MOV10L1: variants seen among roughly 807,000 people sequenced by gnomAD.
MOV10L1 encodes the protein RNA helicase Mov10l1.
In MOV10L1, 110 loss-of-function variants were observed where a neutral mutation model predicts 143.8. That is an observed-to-expected ratio of 0.76 (90% CI 0.66 to 0.90). MOV10L1 has a LOEUF of 0.90. Among genes scored for constraint, MOV10L1 ranks in the 40% least tolerant of loss-of-function variants. The pLI is 0.00. For missense variants in MOV10L1, 1,406 were observed against 1,526.8 expected, an observed-to-expected ratio of 0.92 and a Z score of 1.32; for synonymous variants, 593 against 581.1, an observed-to-expected ratio of 1.02 and a Z score of -0.29.
chr22:50,115,736 C>T (rs569364889), intron 8 of MOV10L1, among the ~76,000 whole-genome samples: 39 of 152,340 alleles, frequency 2.6e-4, no homozygotes, highest in Non-Finnish European at 4.3e-4. Context: ...GTCTCTGAGG[C>T]TCTCTGAGGC....
chr22:50,117,678 C>T (rs2062219270), intron 9 of MOV10L1, among the ~76,000 whole-genome samples: 1 of 152,234 alleles, frequency 6.6e-6, no homozygotes, highest in Non-Finnish European at 1.5e-5. Context: ...CCTGCCACCT[C>T]TCCCGTCCTG....
In MOV10L1 at chr22:50,121,597, GGAGGTTGCCAT is replaced by G. The variant is rs2062347001; in HGVS notation, c.1569+985_1569+995del. On this transcript the variant is annotated intron_variant, in intron 10 of 26. Transcript: ENST00000262794. The stretch of plus-strand genomic sequence containing the variant: ...TGTTTTACTCACAGATCCTGGGCAG[GGAGGTTGCCAT>G]GAGTCGCGAGCGCAGTCCTCTGTCC... Among the ~76,000 whole-genome samples, 4 of 152,316 alleles carry G rather than the reference GGAGGTTGCCAT, an allele frequency of 2.6e-5. No homozygotes were observed. The South Asian group carries it at 8.3e-4, about 32-fold the overall frequency.
At chr22:50,153,753 A>G (rs1244803970) in intron 22 of MOV10L1, among the ~76,000 whole-genome samples, 3 of 152,246 alleles carry the variant, frequency 2.0e-5, no homozygotes, top group East Asian at 1.9e-4. Flanking sequence ...TGAGTGACCA[A>G]GCAAAATTAC....
intron 12 of MOV10L1, 150 bp from the exon 13 acceptor site, chr22:50,128,266 G>T: frequency 1.7e-6 from 1 of 576,546 alleles, no homozygotes. Flanking sequence ...TTGTATAATC[G>T]AATGGCGTAA....
chr22:50,137,080 A>T (rs1439039321), intron 15 of MOV10L1, among the ~76,000 whole-genome samples: 1 of 152,224 alleles, frequency 6.6e-6, no homozygotes, highest in Non-Finnish European at 1.5e-5. Context: ...AAGAATATTT[A>T]TAGGAATATA....
chr22:50,149,267 T>G, intron 19 of MOV10L1: 2 of 245,184 alleles, frequency 8.2e-6, no homozygotes, highest in South Asian at 5.8e-5. Context: ...ATGACAGGAG[T>G]GAGACGCAGG....
In MOV10L1 at chr22:50,134,035, C is replaced by CT. The variant is rs1362074820; in HGVS notation, c.1941dup (p.Glu648Ter). ...CACAAGCAGACGGTGTCACTTTGCA[C>CT]TTGAACACGTCATCCACTTAGGTGT... On this transcript the variant is annotated frameshift_variant, in exon 14 of 27. Coordinates refer to ENST00000262794, the MANE Select transcript of MOV10L1 (RefSeq NM_018995.3). LOFTEE classifies it high-confidence loss of function. The CT allele has an allele frequency of 6.2e-7, 1 of 1,612,180 alleles. No individual in the cohort carries two copies. The highest frequency in any genetic ancestry group is 8.5e-7 in the Non-Finnish European group (1 of 1,179,640).
chr22:50,111,517 A>T (rs2062021254), intron 5 of MOV10L1, among the ~76,000 whole-genome samples: 1 of 86,242 alleles, frequency 1.2e-5, no homozygotes, highest in African/African-American at 4.8e-5. Context: ...TTTTTTTGAG[A>T]CGTTGAGATG....
At chr22:50,090,579 G>T (rs997383029) in intron 1 of MOV10L1, 7 of 1,537,194 alleles carry the variant, frequency 4.6e-6, no homozygotes, top group Non-Finnish European at 6.2e-6. Context: ...AACGCGCTGC[G>T]CCAAGGCGTG....
Position 50,090,116 on chromosome 22 carries a change from G to T in MOV10L1, c.28G>T (p.Ala10Ser), listed in dbSNP as rs1489982581. Residue 10 changes from alanine to serine, a missense_variant, in exon 1 of 27, where the codon GCC becomes TCC. Coordinates refer to ENST00000262794, the MANE Select transcript of MOV10L1 (RefSeq NM_018995.3). ...GCTGAGCCTCGCAGCCAAGCTGGTG[G>T]CCTTCTTCTGGAGGACGGCGGACAC... is the stretch of plus-strand genomic sequence containing the variant. MLSLAAKLV[A>S]FFWRTADTPR... 1 of 1,368,396 alleles carries T rather than the reference G, an allele frequency of 7.3e-7. No individual in the cohort carries two copies. The highest frequency in any genetic ancestry group is 3.8e-5 in the Admixed American group (1 of 26,552). The allele number at this position is 1,368,396 out of a possible 1,614,324, so 84.8% of individuals were successfully genotyped here. A position where few individuals can be genotyped will look rare whatever the true frequency, so the allele number is the denominator to read the frequency against.
chr22:50,105,089 A>G (rs1165491036), intron 3 of MOV10L1, among the ~76,000 whole-genome samples: 1 of 152,096 alleles, frequency 6.6e-6, no homozygotes, highest in Non-Finnish European at 1.5e-5. Context: ...ACAGGGTTTC[A>G]CCGCATTGCC....
intron 5 of MOV10L1, among the ~76,000 whole-genome samples, chr22:50,111,802 C>T (rs1021036836): frequency 6.6e-6 from 1 of 152,148 alleles, no homozygotes; most frequent in Non-Finnish European, 1.5e-5. Context: ...CACGCCCGGC[C>T]CCGAGTCTTT....
Position 50,150,864 on chromosome 22 carries a change from G to A in MOV10L1, c.2857G>A (p.Ala953Thr). The A allele has an allele frequency of 1.2e-6, 2 of 1,614,216 alleles. No homozygotes were observed. Among genetic ancestry groups the A allele is most frequent in the Non-Finnish European group, 1.7e-6 (2 of 1,180,026 alleles). ...SRPAYQRDEN[A>T]FGACGAHNPL... is the part of the protein sequence containing the mutation. ...ACCCGCGTACCAGAGGGACGAAAAT[G>A]CTTTCGGTGCTTGTGGCGCACATAA... The change falls in exon 21 of 27, where the codon GCT becomes ACT. Residue 953 changes from alanine to threonine, a missense_variant. Around this residue, in one of 3 missense-constraint regions of MOV10L1, gnomAD observed 1,233 missense variants for 1,351.4 expected, o/e 0.91. Coordinates refer to ENST00000262794, the MANE Select transcript of MOV10L1 (RefSeq NM_018995.3).
At chr22:50,106,692 AC>A (rs2061875787) in intron 3 of MOV10L1, among the ~76,000 whole-genome samples, 1 of 147,684 alleles carries the variant, frequency 6.8e-6, no homozygotes, top group African/African-American at 2.5e-5. Flanking sequence ...TGGTTTTAGG[AC>A]ATGGTCTTTT....
chr22:50,115,532 C>T (rs563020621), intron 8 of MOV10L1, among the ~76,000 whole-genome samples: 1 of 152,216 alleles, frequency 6.6e-6, no homozygotes, highest in East Asian at 1.9e-4. Flanking sequence ...CAGCCTGAGA[C>T]GGAGCAAGAC....
At position 50,134,143 on chromosome 22, in the gene MOV10L1, T is replaced by C. The variant is rs1006637109; in HGVS notation, c.1969+78T>C. ...GCTTCATGTAAAATTTTGTGTAAAA[T>C]AGTCTCTTCAGTCATAATATTAGAA... On this transcript the variant is annotated intron_variant, in intron 14 of 26. Coordinates refer to ENST00000262794, the MANE Select transcript of MOV10L1 (RefSeq NM_018995.3). 5 of 1,167,640 alleles carry C rather than the reference T, an allele frequency of 4.3e-6. No individual in the cohort carries two copies. In the African/African-American group the frequency reaches 4.7e-5, roughly 11 times the overall value. 72.3% of individuals were successfully genotyped at this position (1,167,640 alleles called of 1,614,324 possible). A position where few individuals can be genotyped will look rare whatever the true frequency, so the allele number is the denominator to read the frequency against.
At position 50,145,766 on chromosome 22, in the gene MOV10L1, C is replaced by T. The variant is rs140470940; in HGVS notation, c.2583C>T (p.Ile861=). The T allele has an allele frequency of 5.0e-6, 8 of 1,614,164 alleles. No homozygotes were observed. The African/African-American group carries it at 1.1e-4, about 22-fold the overall frequency. ...IWKASRFRII[I]TTCSSSGLFY... ...AAGCCTCACGCTTCCGGATAATCAT[C>T]ACCACATGCAGCAGCTCAGGGCTGT... is the stretch of plus-strand genomic sequence containing the variant. Residue 861 remains isoleucine (I), a synonymous_variant, in exon 19 of 27, where the codon ATC becomes ATT. Coordinates refer to ENST00000262794, the MANE Select transcript of MOV10L1 (RefSeq NM_018995.3).
rs1386071572 is a variant in MOV10L1, at chr22:50,159,645, T to G, written c.3217-33T>G. ...GAAAAGAAATGGATTTGTACAGTGT[T>G]ATCTTTAGTCTTTCTTTTAATCTGT... is the stretch of plus-strand genomic sequence containing the variant. On this transcript the variant is annotated intron_variant, in intron 23 of 26. Transcript: ENST00000262794. The surrounding 1 kb of genome is among the most constrained non-coding windows in gnomAD (Gnocchi z 4.1). 3.7e-6 allele frequency: 5 copies of G among 1,369,046 alleles called. No homozygotes were observed. The South Asian group carries it at 6.1e-5, about 17-fold the overall frequency. The allele number at this position is 1,369,046 out of a possible 1,614,324, so 84.8% of individuals were successfully genotyped here. A position where few individuals can be genotyped will look rare whatever the true frequency, so the allele number is the denominator to read the frequency against.
At chr22:50,145,162 G>T (rs1261326617) in intron 18 of MOV10L1, among the ~76,000 whole-genome samples, 2 of 151,382 alleles carry the variant, frequency 1.3e-5, no homozygotes, top group African/African-American at 2.4e-5. Context: ...GGCTGGTCAC[G>T]AACTCCTGAT....
Sources: gnomAD v4.1 joint callset for allele counts (sites outside exome capture counted in the v4.1 genomes callset) on GRCh38, gnomAD v4.1.1 for gene constraint, gnomAD v4.1.1 regional missense constraint, Gnocchi (gnomAD v3.1) non-coding constraint, MANE v1.5 for transcripts, NCBI Gene and HGNC (gene_info 2026-07-23, HGNC 2026-07-21) for gene names.